UNC5C: variants seen among roughly 807,000 people sequenced by gnomAD.
The protein encoded by UNC5C is unc-5 netrin receptor C.
A neutral mutation model predicts 99.8 loss-of-function variants in UNC5C; 47 were observed. That is an observed-to-expected ratio of 0.47 (90% CI 0.37 to 0.60). UNC5C has a LOEUF of 0.60. UNC5C is among the 20% of genes least tolerant of loss of function. The pLI, the probability that UNC5C is intolerant of heterozygous loss-of-function variation, is 0.00. For synonymous variants in UNC5C, 487 were observed against 452.2 expected (o/e 1.08, Z -0.98); for missense variants, 1,062 against 1,165.9 (o/e 0.91, Z 1.30).
At chr4:95,361,897 G>T (rs551800137) in intron 1 of UNC5C, among the ~76,000 whole-genome samples, 1 of 151,824 alleles carries the variant, frequency 6.6e-6, no homozygotes, top group African/African-American at 2.4e-5. Context: ...ACTCCTTCTT[G>T]TTCTTCAGTG....
At chr4:95,317,626 G>A (rs375316439) in intron 2 of UNC5C, among the ~76,000 whole-genome samples, 16 of 152,108 alleles carry the variant, frequency 1.1e-4, no homozygotes, top group East Asian at 7.7e-4. Flanking sequence ...TGAGCAGGAG[G>A]AAAATGAGCG....
Position 95,245,162 on chromosome 4 carries a change from G to GT in UNC5C, c.776-19dup, listed in dbSNP as rs1222056229. 6.2e-7 allele frequency: 1 copy of GT among 1,605,896 alleles called. No homozygotes were observed. The highest frequency in any genetic ancestry group is 1.3e-5 in the African/African-American group (1 of 74,478). Reference sequence around the variant, plus strand: ...ACCGTTGACTGAAAGGAGGCAAACAGTAAAAAGTGGATTAAACATGTGTGC... The same window carrying GT: ...ACCGTTGACTGAAAGGAGGCAAACAGTTAAAAAGTGGATTAAACATGTGTGC... On this transcript the variant is annotated intron_variant, in intron 5 of 15. Coordinates refer to ENST00000453304, the MANE Select transcript of UNC5C (RefSeq NM_003728.4).
intron 2 of UNC5C, among the ~76,000 whole-genome samples, chr4:95,317,634 G>A (rs1742526721): frequency 6.6e-6 from 1 of 152,130 alleles, no homozygotes; most frequent in Admixed American, 6.5e-5. Context: ...AGGAAAATGA[G>A]CGCTATGCAG....
intron 1 of UNC5C, among the ~76,000 whole-genome samples, chr4:95,490,885 C>T (rs935529121): frequency 1.3e-5 from 2 of 151,608 alleles, no homozygotes; most frequent in Non-Finnish European, 3.0e-5. Flanking sequence ...TTTCATTGTA[C>T]TAGGTCAAGT....
chr4:95,372,270 C>A (rs1744770898), intron 1 of UNC5C, among the ~76,000 whole-genome samples: 1 of 152,144 alleles, frequency 6.6e-6, no homozygotes, highest in South Asian at 2.1e-4. Context: ...CAGGATATGG[C>A]TTATTTAATC....
intron 14 of UNC5C, among the ~76,000 whole-genome samples, chr4:95,173,450 A>AG (rs1233485644): frequency 6.7e-6 from 1 of 149,948 alleles, no homozygotes; most frequent in African/African-American, 2.5e-5. Context: ...TTCAGCATGA[A>AG]GGGTTGTTGA....
At chr4:95,378,827 T>G (rs1216549826) in intron 1 of UNC5C, among the ~76,000 whole-genome samples, 3 of 152,146 alleles carry the variant, frequency 2.0e-5, no homozygotes. Context: ...TTATTTAAAG[T>G]TGCTTAGAAG....
At chr4:95,400,040 T>C (rs1223426258) in intron 1 of UNC5C, among the ~76,000 whole-genome samples, 1 of 152,206 alleles carries the variant, frequency 6.6e-6, no homozygotes, top group African/African-American at 2.4e-5. Context: ...TTTCTGACAT[T>C]GTTATAGATA....
Position 95,525,337 on chromosome 4 carries a change from A to G in UNC5C, c.124+23397T>C, listed in dbSNP as rs148656446. Among the ~76,000 whole-genome samples the G allele has an allele frequency of 2.8e-3, 422 of 152,044 alleles. 2 individuals carry two copies. Among genetic ancestry groups the G allele is most frequent in the African/African-American group, 1.0e-2 (413 of 41,464 alleles). ...TCTTTGAGCAAAATTCCAGCCATAT[A>G]CTCTTATAACTTTGCAGAACTACGT... is the stretch of plus-strand genomic sequence containing the variant. On this transcript the variant is annotated intron_variant, in intron 1 of 15. Transcript: ENST00000453304.
intron 14 of UNC5C, among the ~76,000 whole-genome samples, chr4:95,171,288 T>A (rs1000608497): frequency 6.6e-6 from 1 of 151,888 alleles, no homozygotes; most frequent in Non-Finnish European, 1.5e-5. Flanking sequence ...AATGTGCAGG[T>A]TAGTTACATA....
chr4:95,224,133 A>C, intron 7 of UNC5C, among the ~76,000 whole-genome samples: 1 of 152,148 alleles, frequency 6.6e-6, no homozygotes, highest in East Asian at 1.9e-4. Context: ...AATACAAAAA[A>C]TTAGCTAGGC....
intron 1 of UNC5C, among the ~76,000 whole-genome samples, chr4:95,364,801 C>T (rs183276048): frequency 6.6e-4 from 101 of 152,244 alleles, no homozygotes; most frequent in Admixed American, 5.2e-3. Context: ...ACCACTTCAT[C>T]GTCATCAAAT....
intron 1 of UNC5C, among the ~76,000 whole-genome samples, chr4:95,475,139 G>A (rs1748102405): frequency 6.6e-6 from 1 of 151,930 alleles, no homozygotes; most frequent in Non-Finnish European, 1.5e-5. Flanking sequence ...TTTAGCTTAG[G>A]TCAAATGCCT....
At chr4:95,520,333 A>G (rs1203250703) in intron 1 of UNC5C, among the ~76,000 whole-genome samples, 2 of 152,220 alleles carry the variant, frequency 1.3e-5, no homozygotes, top group African/African-American at 4.8e-5. Context: ...GTAAAATTCA[A>G]CACTTAAACA....
At chr4:95,508,260 G>T (rs762960966) in intron 1 of UNC5C, among the ~76,000 whole-genome samples, 1 of 151,992 alleles carries the variant, frequency 6.6e-6, no homozygotes. Flanking sequence ...ATTTTGTTCC[G>T]TTATTCTCTA....
At chr4:95,396,653 T>A (rs913252455) in intron 1 of UNC5C, among the ~76,000 whole-genome samples, 1 of 152,152 alleles carries the variant, frequency 6.6e-6, no homozygotes, top group Non-Finnish European at 1.5e-5. Flanking sequence ...TCCTTCTGAA[T>A]GATGCCTTTC....
At chr4:95,269,562 A>G (rs1425934006) in intron 4 of UNC5C, among the ~76,000 whole-genome samples, 1 of 151,934 alleles carries the variant, frequency 6.6e-6, no homozygotes, top group Admixed American at 6.5e-5. Context: ...TGCTGAGATT[A>G]CAGTTATGAG....
intron 1 of UNC5C, among the ~76,000 whole-genome samples, chr4:95,340,848 C>T (rs1743543086): frequency 6.6e-6 from 1 of 152,120 alleles, no homozygotes; most frequent in Non-Finnish European, 1.5e-5. Context: ...TCCAGCCTAT[C>T]ATCTCTACCT....
intron 1 of UNC5C, 41 bp from the exon 2 acceptor site, chr4:95,335,672 TA>T: frequency 6.6e-7 from 1 of 1,509,948 alleles, no homozygotes; most frequent in Non-Finnish European, 9.0e-7. Context: ...TAACACATTG[TA>T]ACAACTTGCC....
Sources: gnomAD v4.1 joint callset for allele counts (sites outside exome capture counted in the v4.1 genomes callset) on GRCh38, gnomAD v4.1.1 for gene constraint, MANE v1.5 for transcripts, NCBI Gene and HGNC (gene_info 2026-07-23, HGNC 2026-07-21) for gene names.